The following GUCY2C variants were observed in gnomAD, a reference collection of about 807,000 sequenced individuals.
GUCY2C encodes the protein guanylate cyclase 2C.
In GUCY2C, 118 loss-of-function variants were observed where a neutral mutation model predicts 131.1. That is an observed-to-expected ratio of 0.90 (90% CI 0.78 to 1.05). The LOEUF is 1.05. GUCY2C is among the 50% of genes least tolerant of loss of function. GUCY2C has a pLI of 0.00. For synonymous variants in GUCY2C, 452 were observed against 457.8 expected (o/e 0.99, Z 0.16); for missense variants, 1,161 against 1,304.4 (o/e 0.89, Z 1.69).
Position 14,640,258 on chromosome 12 carries a change from C to T in GUCY2C, c.2069-308G>A, listed in dbSNP as rs112925318. Reference sequence around the variant, plus strand: ...TTGGGGGATCACTCGAGCTCAGGAGCTCAGTCTGGGCAACATGGTGAAACC... The same window carrying T: ...TTGGGGGATCACTCGAGCTCAGGAGTTCAGTCTGGGCAACATGGTGAAACC... On this transcript the variant is annotated intron_variant, in intron 18 of 26. Transcript: ENST00000261170. Among the ~76,000 whole-genome samples the T allele has an allele frequency of 4.7e-3, 721 of 152,016 alleles. 7 individuals carry two copies. The highest frequency in any genetic ancestry group is 0.016 in the African/African-American group (684 of 41,470).
chr12:14,645,979 G>A (rs1204493327), intron 15 of GUCY2C, among the ~76,000 whole-genome samples: 2 of 152,054 alleles, frequency 1.3e-5, no homozygotes, highest in Non-Finnish European at 2.9e-5. Context: ...GGGATTACAG[G>A]CGCATGCCAC....
intron 15 of GUCY2C, among the ~76,000 whole-genome samples, chr12:14,648,534 C>A (rs188744633): frequency 1.3e-5 from 2 of 152,364 alleles, no homozygotes; most frequent in Admixed American, 6.5e-5. Context: ...CAACCTCTGA[C>A]TGGCATCATC....
At chr12:14,688,152 G>T in intron 1 of GUCY2C, 89 bp from the exon 2 acceptor site, 2 of 833,102 alleles carry the variant, frequency 2.4e-6, no homozygotes, top group Non-Finnish European at 4.1e-6. Context: ...GGAAAAAATG[G>T]ATATCCATTT....
chr12:14,634,684 A>T lies in GUCY2C; in HGVS notation c.2157+5178T>A, dbSNP rs188297035. ...ATATAGACTGGTTCAATGGATTTTT[A>T]AAAATGACCCAACTGTAGGCTGCCT... On this transcript the variant is annotated intron_variant, in intron 19 of 26. Coordinates refer to ENST00000261170, the MANE Select transcript of GUCY2C (RefSeq NM_004963.4). Among the ~76,000 whole-genome samples, 110 of 152,358 alleles carry T rather than the reference A, an allele frequency of 7.2e-4. 1 individual carries two copies. The highest frequency in any genetic ancestry group is 1.2e-3 in the Non-Finnish European group (79 of 68,030).
intron 7 of GUCY2C, among the ~76,000 whole-genome samples, chr12:14,674,966 TTG>T (rs1948196898): frequency 6.6e-6 from 1 of 151,694 alleles, no homozygotes. Context: ...ACCCAGCATT[TTG>T]GGAGGCTGAG....
At chr12:14,626,797 T>C (rs1317592512) in intron 20 of GUCY2C, among the ~76,000 whole-genome samples, 1 of 152,194 alleles carries the variant, frequency 6.6e-6, no homozygotes, top group Non-Finnish European at 1.5e-5. Context: ...TCAATTTTAT[T>C]TTTTGAAGAC....
rs75047249 is a variant in GUCY2C, at chr12:14,644,693, T to C, written c.1797+536A>G. On this transcript the variant is annotated intron_variant, in intron 16 of 26. Coordinates refer to ENST00000261170, the MANE Select transcript of GUCY2C (RefSeq NM_004963.4). ...TTTATTATTGATTCCTGCAAGATGG[T>C]TTCCTGTACTTAAGATTTTCTCTTG... Among the ~76,000 whole-genome samples the C allele has an allele frequency of 4.9e-4, 75 of 151,994 alleles. 1 individual carries two copies. The East Asian group carries it at 0.014, about 29-fold the overall frequency.
Position 14,683,807 on chromosome 12 carries a change from C to T in GUCY2C, c.396-550G>A, listed in dbSNP as rs116871411. ...TGCTTGCATCTCAAACTACAATGTT[C>T]ACAGTCAGAATTCTCTTTCATTTCT... On this transcript the variant is annotated intron_variant, in intron 3 of 26. Coordinates refer to ENST00000261170, the MANE Select transcript of GUCY2C (RefSeq NM_004963.4). 8.1e-3 allele frequency among the ~76,000 whole-genome samples: 1,238 copies of T among 152,314 alleles called. 8 individuals are homozygous for T. The highest frequency in any genetic ancestry group is 0.019 in the Admixed American group (294 of 15,296).
Position 14,656,607 on chromosome 12 carries a change from T to C in GUCY2C, c.1375A>G (p.Lys459Glu). 6.6e-7 allele frequency: 1 copy of C among 1,515,160 alleles called. No homozygotes were observed. Among genetic ancestry groups the C allele is most frequent in the Non-Finnish European group, 9.2e-7 (1 of 1,090,176 alleles). The allele number at this position is 1,515,160 out of a possible 1,614,324, so 93.9% of individuals were successfully genotyped here. A position where few individuals can be genotyped will look rare whatever the true frequency, so the allele number is the denominator to read the frequency against. Residue 459 changes from lysine (K) to glutamate (E), a missense_variant, in exon 12 of 27, where the codon AAA becomes GAA. Transcript: ENST00000261170. ...TTTTTCTGACGAAGTTCATAATCTT[T>C]TCTATATTTTCTGTGAAAGGAATAA... Reference protein sequence around the residue: ...VALLMLRKYRKDYELRQKKWS... With the variant: ...VALLMLRKYREDYELRQKKWS...
At chr12:14,652,390 G>T (rs1476704968) in intron 13 of GUCY2C, among the ~76,000 whole-genome samples, 1 of 151,990 alleles carries the variant, frequency 6.6e-6, no homozygotes, top group Non-Finnish European at 1.5e-5. Context: ...GGCCGGCCTG[G>T]TCTCAAACTT....
At chr12:14,617,315 C>T (rs183546555) in intron 24 of GUCY2C, among the ~76,000 whole-genome samples, 2 of 152,208 alleles carry the variant, frequency 1.3e-5, no homozygotes, top group African/African-American at 2.4e-5. Flanking sequence ...TATAATCTCA[C>T]GTGGGAAGAA....
intron 4 of GUCY2C, 55 bp from the exon 5 acceptor site, chr12:14,681,532 G>A: frequency 1.4e-6 from 2 of 1,451,768 alleles, no homozygotes; most frequent in Non-Finnish European, 9.7e-7. Flanking sequence ...GGCCTTTCAT[G>A]CCTTTCACTT....
chr12:14,617,772 A>G (rs1946800321), intron 24 of GUCY2C, among the ~76,000 whole-genome samples: 2 of 152,218 alleles, frequency 1.3e-5, no homozygotes, highest in African/African-American at 2.4e-5. Context: ...TTAACATGAC[A>G]TCATCCCAAA....
intron 10 of GUCY2C, among the ~76,000 whole-genome samples, chr12:14,666,572 T>A (rs372375535): frequency 3.6e-4 from 55 of 152,002 alleles, no homozygotes; most frequent in Non-Finnish European, 6.3e-4. Flanking sequence ...CCGTCTCTAC[T>A]AAAAATACAA....
At chr12:14,629,837 T>C (rs1414800955) in intron 19 of GUCY2C, among the ~76,000 whole-genome samples, 1 of 152,228 alleles carries the variant, frequency 6.6e-6, no homozygotes, top group African/African-American at 2.4e-5. Context: ...GAAGTGGTCT[T>C]AGTAGGGTTC....
chr12:14,616,508 G>T, intron 25 of GUCY2C, 125 bp downstream of exon 25: 1 of 687,302 alleles, frequency 1.5e-6, no homozygotes, highest in East Asian at 2.5e-5. Context: ...AGAGGATGGA[G>T]GGTGCTCATC....
intron 4 of GUCY2C, 30 bp downstream of exon 4, chr12:14,683,012 T>C: frequency 6.9e-7 from 1 of 1,457,634 alleles, no homozygotes. Flanking sequence ...CCATGGCAAG[T>C]GCTAGTGAAA....
intron 10 of GUCY2C, 67 bp from the exon 11 acceptor site, chr12:14,661,129 T>A (rs1230532284): frequency 3.1e-6 from 3 of 965,556 alleles, no homozygotes; most frequent in Non-Finnish European, 5.0e-6. Context: ...AGATTCTAGC[T>A]GTACAATGTA....
At chr12:14,668,024 G>A (rs1293420132) in intron 10 of GUCY2C, among the ~76,000 whole-genome samples, 2 of 129,162 alleles carry the variant, frequency 1.5e-5, no homozygotes, top group Admixed American at 1.7e-4. Context: ...TTTTTTTTGA[G>A]GCAGGGTCTT....
Sources: gnomAD v4.1 joint callset for allele counts (sites outside exome capture counted in the v4.1 genomes callset) on GRCh38, gnomAD v4.1.1 for gene constraint, MANE v1.5 for transcripts, NCBI Gene and HGNC (gene_info 2026-07-23, HGNC 2026-07-21) for gene names.